Variants in PPM1H observed in about 807,000 individuals in gnomAD.
PPM1H encodes the protein protein phosphatase 1H.
In PPM1H, 27 loss-of-function variants were observed where a neutral mutation model predicts 54.9. That is an observed-to-expected ratio of 0.49 (90% CI 0.36 to 0.68). The LOEUF (loss-of-function observed/expected upper bound fraction) is 0.68. Ranked by LOEUF, PPM1H falls within the 30% of genes least tolerant of loss-of-function variation. PPM1H has a pLI of 0.00. For missense variants in PPM1H, 596 were observed against 667.8 expected (o/e 0.89, Z 1.19); for synonymous variants, 305 against 270.8 (o/e 1.13, Z -1.24).
chr12:62,904,158 A>G lies in PPM1H; in HGVS notation c.245+30334T>C, dbSNP rs184448432. 2.3e-3 allele frequency among the ~76,000 whole-genome samples: 347 copies of G among 152,346 alleles called. 4 individuals are homozygous for G. Among genetic ancestry groups the G allele is most frequent in the Admixed American group, 0.021 (323 of 15,296 alleles). On this transcript the variant is annotated intron_variant, in intron 1 of 9. Transcript: ENST00000228705. ...GAAGCCTTCAAAAAGGCTACATTAC[A>G]TAAAGCATTAAAACAAAAAAGTAAT...
chr12:62,660,505 G>A (rs2075876851), intron 9 of PPM1H, among the ~76,000 whole-genome samples: 1 of 152,006 alleles, frequency 6.6e-6, no homozygotes, highest in Non-Finnish European at 1.5e-5. Context: ...TAGACCAATG[G>A]GACAGAATAG....
intron 2 of PPM1H, among the ~76,000 whole-genome samples, chr12:62,817,873 G>A (rs1168209928): frequency 6.6e-6 from 1 of 152,120 alleles, no homozygotes; most frequent in East Asian, 1.9e-4. Flanking sequence ...AAGATAATCA[G>A]CTTTCCTCTC....
At chr12:62,832,359 C>CA in intron 1 of PPM1H, 80 bp from the exon 2 acceptor site, 1 of 1,381,110 alleles carries the variant, frequency 7.2e-7, no homozygotes, top group Non-Finnish European at 1.0e-6. Flanking sequence ...TCAGCCAAGA[C>CA]AGTCTCTACA....
At chr12:62,653,452 G>A (rs10877903) in intron 9 of PPM1H, among the ~76,000 whole-genome samples, 15,111 of 152,144 alleles carry the variant, frequency 0.099, 837 homozygotes, top group African/African-American at 0.11. Context: ...GTGTTTCACC[G>A]TTGTGAATTT....
chr12:62,821,080 A>C (rs2120814290), intron 2 of PPM1H, among the ~76,000 whole-genome samples: 1 of 152,304 alleles, frequency 6.6e-6, no homozygotes, highest in South Asian at 2.1e-4. Context: ...ACCTTAAATG[A>C]CCTGATGGAG....
Position 62,684,697 on chromosome 12 carries a change from C to T in PPM1H, c.1245+5002G>A, listed in dbSNP as rs961534819. 1.7e-4 allele frequency among the ~76,000 whole-genome samples: 26 copies of T among 152,186 alleles called. 1 individual carries two copies. Among genetic ancestry groups the T allele is most frequent in the African/African-American group, 5.1e-4 (21 of 41,516 alleles). ...AACCCAAATGTGAAATAAAGATCCA[C>T]GCCTGGCAAAGACAGAACATAGCAG... On this transcript the variant is annotated intron_variant, in intron 8 of 9. Transcript: ENST00000228705.
chr12:62,747,234 T>C (rs147205677), intron 4 of PPM1H, among the ~76,000 whole-genome samples: 3,362 of 152,150 alleles, frequency 0.022, 110 homozygotes, highest in African/African-American at 0.075. Flanking sequence ...CCTCCCAGGT[T>C]CAAGTGATTC....
intron 2 of PPM1H, among the ~76,000 whole-genome samples, chr12:62,816,368 G>A (rs645448): frequency 0.23 from 34,405 of 152,150 alleles, 5,482 homozygotes; most frequent in African/African-American, 0.45. Context: ...GAGCACGGAC[G>A]TGACATCACA....
At chr12:62,744,066 C>T (rs953117006) in intron 4 of PPM1H, among the ~76,000 whole-genome samples, 4 of 150,270 alleles carry the variant, frequency 2.7e-5, no homozygotes, top group Admixed American at 6.6e-5. Flanking sequence ...AGACTTTTGA[C>T]GTTATTCATT....
intron 1 of PPM1H, among the ~76,000 whole-genome samples, chr12:62,867,564 A>ATTTTTTTTTTTTTTTTTTTGTTTT (rs1869822449): frequency 1.8e-5 from 1 of 55,340 alleles, no homozygotes; most frequent in African/African-American, 6.4e-5. Context: ...TATGAGCACT[A>ATTTTTTTTTTTTTTTTTTTGTTTT]TTTTTTTTTT....
intron 5 of PPM1H, among the ~76,000 whole-genome samples, chr12:62,721,443 G>A (rs1421069417): frequency 1.3e-5 from 2 of 152,200 alleles, no homozygotes; most frequent in Non-Finnish European, 2.9e-5. Context: ...GTGACTGAGG[G>A]TGAGCAGGAG....
chr12:62,720,057 C>A (rs1565767681), intron 6 of PPM1H, 114 bp downstream of exon 6: 8 of 895,978 alleles, frequency 8.9e-6, no homozygotes, highest in Non-Finnish European at 1.4e-5. Context: ...TTACCACAAA[C>A]CCTGGTCTCT....
intron 4 of PPM1H, among the ~76,000 whole-genome samples, chr12:62,755,011 G>A (rs757913606): frequency 1.3e-5 from 2 of 152,234 alleles, no homozygotes; most frequent in Non-Finnish European, 2.9e-5. Context: ...GATGCCACAT[G>A]TGAACAGGGA....
At chr12:62,655,275 C>T (rs185975059) in intron 9 of PPM1H, among the ~76,000 whole-genome samples, 25 of 152,270 alleles carry the variant, frequency 1.6e-4, no homozygotes, top group Admixed American at 2.6e-4. Context: ...CATTTCAGAG[C>T]TCATTTGCAT....
chr12:62,681,227 C>T (rs1240963516), intron 8 of PPM1H, among the ~76,000 whole-genome samples: 4 of 152,148 alleles, frequency 2.6e-5, no homozygotes, highest in African/African-American at 9.7e-5. Flanking sequence ...ATTTTTTCCT[C>T]TTTAGACCTC....
chr12:62,802,203 C>T, intron 2 of PPM1H, 43 bp from the exon 3 acceptor site: 1 of 1,474,622 alleles, frequency 6.8e-7, no homozygotes, highest in Non-Finnish European at 9.1e-7. Flanking sequence ...CGGCTGTGGA[C>T]TTTGCCTCAG....
At chr12:62,890,527 G>A (rs746087971) in intron 1 of PPM1H, among the ~76,000 whole-genome samples, 2 of 151,984 alleles carry the variant, frequency 1.3e-5, no homozygotes, top group African/African-American at 2.4e-5. Context: ...AAAATAAAAG[G>A]GTTCCTGAAC....
intron 4 of PPM1H, among the ~76,000 whole-genome samples, chr12:62,772,312 G>T (rs1026165223): frequency 6.6e-6 from 1 of 152,082 alleles, no homozygotes; most frequent in Non-Finnish European, 1.5e-5. Context: ...AAGTTGTGTG[G>T]CTAGAATTCA....
intron 5 of PPM1H, chr12:62,720,919 C>G (rs988890815): frequency 1.3e-5 from 2 of 152,592 alleles, no homozygotes; most frequent in African/African-American, 4.8e-5. Flanking sequence ...TGCTTTGAAA[C>G]AACAGTCTCA....
Sources: gnomAD v4.1 joint callset for allele counts (sites outside exome capture counted in the v4.1 genomes callset) on GRCh38, gnomAD v4.1.1 for gene constraint, MANE v1.5 for transcripts, NCBI Gene and HGNC (gene_info 2026-07-23, HGNC 2026-07-21) for gene names.